CFAP54: variants seen among roughly 807,000 people sequenced by gnomAD.
CFAP54 encodes the protein cilia- and flagella-associated protein 54.
A neutral mutation model predicts 370.4 loss-of-function variants in CFAP54; 290 were observed. The ratio of observed to expected loss-of-function variants is 0.78; its 90% CI spans 0.71 to 0.86. The LOEUF (loss-of-function observed/expected upper bound fraction) is 0.86. Among genes scored for constraint, CFAP54 ranks in the 40% least tolerant of loss-of-function variants. The probability of loss-of-function intolerance (pLI) is 0.00; values close to 1 mark genes in which losing one functional copy is unlikely to be tolerated. For synonymous variants in CFAP54, 1,206 were observed against 1,236.5 expected, an observed-to-expected ratio of 0.98 and a Z score of 0.52; for missense variants, 3,399 against 3,528.7, an observed-to-expected ratio of 0.96 and a Z score of 0.93.
chr12:96,719,672 T>C (rs7977555), intron 49 of CFAP54, among the ~76,000 whole-genome samples: 131,257 of 152,278 alleles, frequency 0.86, 56,978 homozygotes, highest in African/African-American at 0.96. Flanking sequence ...TTTGAGCTGC[T>C]CAATGCACGT....
intron 50 of CFAP54, among the ~76,000 whole-genome samples, chr12:96,729,678 C>A (rs373832664): frequency 4.6e-5 from 7 of 152,210 alleles, no homozygotes; most frequent in African/African-American, 1.7e-4. Context: ...AGCTCGCGCA[C>A]GGCGCGCTGC....
chr12:96,534,107 C>T lies in CFAP54; in HGVS notation c.1585C>T (p.Leu529Phe). 6.5e-7 allele frequency: 1 copy of T among 1,534,020 alleles called. No homozygotes were observed. ...AAAGAAAGCAGAGAAGGATTTAACT[C>T]TTCTGATTGCAATGGAACCACTAAT... The part of the protein sequence containing the change: ...ESKKAEKDLT[L>F]LIAMEPLINV... Residue 529 changes from leucine to phenylalanine, a missense_variant, in exon 11 of 68, where the codon CTT becomes TTT. Leu to Phe is a conservative substitution (Grantham distance 22). This residue lies in a region of CFAP54 where 44 missense variants were observed against 82.3 expected (regional missense o/e 0.53). Coordinates refer to ENST00000524981, the MANE Select transcript of CFAP54 (RefSeq NM_001306084.2).
intron 55 of CFAP54, among the ~76,000 whole-genome samples, chr12:96,750,988 T>C (rs576889551): frequency 2.0e-4 from 30 of 152,354 alleles, no homozygotes; most frequent in African/African-American, 7.2e-4. Flanking sequence ...CTTTATAGTA[T>C]AGATTGTGTC....
chr12:96,750,041 G>C (rs962601175), intron 55 of CFAP54, among the ~76,000 whole-genome samples: 9 of 152,212 alleles, frequency 5.9e-5, no homozygotes, highest in South Asian at 2.1e-4. Context: ...TTTCAGGAGT[G>C]AAGAGGACTC....
rs182862820 is a variant in CFAP54, at chr12:96,765,267, A to G, written c.8281+49A>G. 2.6e-5 allele frequency: 36 copies of G among 1,374,698 alleles called. No individual in the cohort carries two copies. The African/African-American group carries it at 4.4e-4, about 17-fold the overall frequency. 85.2% of individuals were successfully genotyped at this position (1,374,698 alleles called of 1,614,324 possible). A position where few individuals can be genotyped will look rare whatever the true frequency, so the allele number is the denominator to read the frequency against. ...ATGCAAAAAAACTGATATATGTAAT[A>G]TAGAATCAAGTTTCAAAGATTTAAT... On this transcript the variant is annotated intron_variant, in intron 60 of 67. Transcript: ENST00000524981.
intron 46 of CFAP54, among the ~76,000 whole-genome samples, chr12:96,700,826 C>T (rs1353790239): frequency 6.6e-6 from 1 of 152,046 alleles, no homozygotes; most frequent in Non-Finnish European, 1.5e-5. Context: ...GGTAGCAAGT[C>T]AGTTTGCCTG....
At chr12:96,737,690 G>A (rs554429245) in intron 50 of CFAP54, among the ~76,000 whole-genome samples, 9 of 151,966 alleles carry the variant, frequency 5.9e-5, no homozygotes, top group South Asian at 4.2e-4. Flanking sequence ...GGGTTTCACC[G>A]TGTTGACCAG....
intron 29 of CFAP54, among the ~76,000 whole-genome samples, chr12:96,626,428 A>T (rs1956550059): frequency 6.6e-6 from 1 of 151,980 alleles, no homozygotes; most frequent in Non-Finnish European, 1.5e-5. Context: ...TGTATTAGTG[A>T]ATTTCAAGTT....
At chr12:96,614,793 C>A (rs1395453034) in intron 26 of CFAP54, among the ~76,000 whole-genome samples, 2 of 152,190 alleles carry the variant, frequency 1.3e-5, no homozygotes, top group Non-Finnish European at 2.9e-5. Flanking sequence ...CCTAGAAATA[C>A]AACTTACAAG....
chr12:96,790,355 A>G (rs1958677291), intron 62 of CFAP54, among the ~76,000 whole-genome samples: 1 of 152,096 alleles, frequency 6.6e-6, no homozygotes, highest in Admixed American at 6.6e-5. Context: ...AAAAAAATAG[A>G]ATAAAAGTAC....
Position 96,679,600 on chromosome 12 carries a change from A to G in CFAP54, c.5564A>G (p.Glu1855Gly), listed in dbSNP as rs781130828. 9 of 1,611,012 alleles carry G rather than the reference A, an allele frequency of 5.6e-6. No homozygotes were observed. Among genetic ancestry groups the G allele is most frequent in the South Asian group, 5.5e-5 (5 of 90,438 alleles). Reference sequence around the variant, plus strand: ...ATATTCCGCTTTTCTTTCCTTTCAGAATACAGCCGAGCCAAAGCGCTTGTC... The same window carrying G: ...ATATTCCGCTTTTCTTTCCTTTCAGGATACAGCCGAGCCAAAGCGCTTGTC... The part of the protein sequence containing the change: ...TDLLKMLISS[E>G]YSRAKALVCV... The change falls in exon 40 of 68, where the codon GAA (glutamate) becomes GGA (glycine). Residue 1855 changes from glutamate to glycine, a missense_variant and splice_region_variant. Glu to Gly is a moderately conservative substitution (Grantham distance 98, BLOSUM62 -2). Coordinates refer to ENST00000524981, the MANE Select transcript of CFAP54 (RefSeq NM_001306084.2).
intron 17 of CFAP54, among the ~76,000 whole-genome samples, chr12:96,555,313 T>C (rs1955740367): frequency 6.6e-6 from 1 of 151,960 alleles, no homozygotes; most frequent in Non-Finnish European, 1.5e-5. Context: ...ATATTGTATA[T>C]AGAGCTAAAT....
intron 63 of CFAP54, among the ~76,000 whole-genome samples, chr12:96,810,085 C>T (rs889584425): frequency 1.3e-5 from 2 of 151,822 alleles, no homozygotes; most frequent in Non-Finnish European, 2.9e-5. Context: ...CAGGTTGTAC[C>T]CACCCAGATG....
intron 63 of CFAP54, among the ~76,000 whole-genome samples, chr12:96,795,396 T>C (rs1958751326): frequency 6.6e-6 from 1 of 152,036 alleles, no homozygotes; most frequent in African/African-American, 2.4e-5. Context: ...AGAAAAACAA[T>C]TAGGTGGGTG....
rs1162183805 is a variant in CFAP54 at position 96,701,370 on chromosome 12, A to AT, written c.6474+1283dup. Among the ~76,000 whole-genome samples, 7 of 152,182 alleles carry AT rather than the reference A, an allele frequency of 4.6e-5. No individual in the cohort carries two copies. The South Asian group carries it at 1.0e-3, about 23-fold the overall frequency. On this transcript the variant is annotated intron_variant, in intron 46 of 67. Coordinates refer to ENST00000524981, the MANE Select transcript of CFAP54 (RefSeq NM_001306084.2). ...TTACACTTTAATTAGTTAAAAAAATATTTTTTGAGTGCTTACTGAATACAG... is the reference window on the plus strand; with the variant it reads ...TTACACTTTAATTAGTTAAAAAAATATTTTTTTGAGTGCTTACTGAATACAG...
chr12:96,504,544 G>A (rs1955069609), intron 3 of CFAP54, among the ~76,000 whole-genome samples: 1 of 152,142 alleles, frequency 6.6e-6, no homozygotes. Flanking sequence ...TACATTGTAT[G>A]AATTATCATC....
At chr12:96,660,908 C>G (rs1431400414) in intron 38 of CFAP54, among the ~76,000 whole-genome samples, 2 of 152,130 alleles carry the variant, frequency 1.3e-5, no homozygotes, top group Non-Finnish European at 2.9e-5. Flanking sequence ...CAGAGAAACA[C>G]TTGCTTACAT....
intron 33 of CFAP54, chr12:96,645,101 G>A (rs118003115): frequency 0.011 from 5,214 of 455,304 alleles, 52 homozygotes; most frequent in Non-Finnish European, 0.017. Context: ...TCATAGAGGC[G>A]TACTTTAAGA....
intron 17 of CFAP54, among the ~76,000 whole-genome samples, chr12:96,562,218 A>G (rs1955822981): frequency 6.6e-6 from 1 of 152,142 alleles, no homozygotes; most frequent in South Asian, 2.1e-4. Flanking sequence ...CATTTGTTTT[A>G]TCCTGGCAAA....
Sources: allele counts gnomAD v4.1 joint callset (sites outside exome capture counted in the v4.1 genomes callset), GRCh38; gene constraint gnomAD v4.1.1; regional missense constraint gnomAD v4.1.1; transcripts MANE v1.5; gene names NCBI Gene and HGNC (gene_info 2026-07-23, HGNC 2026-07-21).